Variants in COL25A1 observed in about 807,000 individuals in gnomAD.
The protein encoded by COL25A1 is collagen alpha-1(XXV) chain.
Under a neutral mutation model 128.4 loss-of-function variants are expected in COL25A1, and 103 were observed. The observed-to-expected ratio is 0.80, with a 90% confidence interval of 0.68 to 0.94. COL25A1 has a LOEUF of 0.94. Ranked by LOEUF, COL25A1 falls within the 40% of genes least tolerant of loss-of-function variation. COL25A1 has a pLI of 0.00. For synonymous variants in COL25A1, 279 were observed against 277.2 expected (o/e 1.01, Z -0.06); for missense variants, 745 against 840.0 (o/e 0.89, Z 1.40).
At chr4:109,256,861 G>A (rs1474596334) in intron 3 of COL25A1, among the ~76,000 whole-genome samples, 1 of 152,030 alleles carries the variant, frequency 6.6e-6, no homozygotes, top group Non-Finnish European at 1.5e-5. Flanking sequence ...TTATCTTTGA[G>A]GTAACTGGAA....
At chr4:109,147,716 C>T (rs1199573980) in intron 3 of COL25A1, among the ~76,000 whole-genome samples, 2 of 151,246 alleles carry the variant, frequency 1.3e-5, no homozygotes, top group Non-Finnish European at 2.9e-5. Context: ...ACTCAGGAGG[C>T]TGAGGCACAA....
Position 109,206,459 on chromosome 4 carries a change from G to A in COL25A1, c.367+94124C>T, listed in dbSNP as rs142956167. Among the ~76,000 whole-genome samples, 99 of 152,206 alleles carry A rather than the reference G, an allele frequency of 6.5e-4. No homozygotes were observed. The East Asian group carries it at 0.017, about 27-fold the overall frequency. ...AAGAATAAATCCACCTTAAATCCAA[G>A]AAGGTATAATTCTTTATAATGTTTT... On this transcript the variant is annotated intron_variant, in intron 3 of 37. Coordinates refer to ENST00000399132, the MANE Select transcript of COL25A1 (RefSeq NM_198721.4).
intron 3 of COL25A1, among the ~76,000 whole-genome samples, chr4:109,267,005 C>G (rs1781841351): frequency 6.6e-6 from 1 of 152,062 alleles, no homozygotes; most frequent in South Asian, 2.1e-4. Context: ...GAAAATCAAC[C>G]AAAGAAAACA....
rs1295181774 is a variant in COL25A1, at chr4:109,236,015, C to T, written c.367+64568G>A. 5.3e-5 allele frequency among the ~76,000 whole-genome samples: 8 copies of T among 152,008 alleles called. No homozygotes were observed. The East Asian group carries it at 7.7e-4, about 15-fold the overall frequency. ...CTGAATATACTGTAGGTGCTTAATA[C>T]GTAATACTGATTTCTTATATATTGC... is the stretch of plus-strand genomic sequence containing the variant. On this transcript the variant is annotated intron_variant, in intron 3 of 37. Transcript: ENST00000399132.
chr4:109,275,086 C>T (rs932591650), intron 3 of COL25A1, among the ~76,000 whole-genome samples: 1 of 152,088 alleles, frequency 6.6e-6, no homozygotes, highest in African/African-American at 2.4e-5. Context: ...TGTCACTCTA[C>T]AAAAGGGCAC....
intron 3 of COL25A1, among the ~76,000 whole-genome samples, chr4:109,218,356 G>GGTTTTTTTTTTTTTTGTTTTTTTTT (rs1578470802): frequency 1.0e-5 from 1 of 100,468 alleles, no homozygotes; most frequent in Admixed American, 1.3e-4. Context: ...GGTTTTTTGG[G>GGTTTTTTTTTTTTTTGTTTTTTTTT]GTTTTTTTTT....
chr4:109,083,448 ATTTTTTTTTTTTTTT>A (rs60165291), intron 3 of COL25A1, among the ~76,000 whole-genome samples: 9 of 77,058 alleles, frequency 1.2e-4, no homozygotes, highest in Admixed American at 6.1e-4. Context: ...CACTAAATAA[ATTTTTTTTTTTTTTT>A]TTTTTTTTTT....
chr4:108,832,019 T>G (rs1251779314), intron 32 of COL25A1, among the ~76,000 whole-genome samples: 1 of 151,128 alleles, frequency 6.6e-6, no homozygotes, highest in Non-Finnish European at 1.5e-5. Context: ...TAGCTTTATA[T>G]AAAAGATTAT....
chr4:109,130,002 TAAAAAAAA>T (rs35187548), intron 3 of COL25A1, among the ~76,000 whole-genome samples: 1 of 138,696 alleles, frequency 7.2e-6, no homozygotes, highest in South Asian at 2.3e-4. Context: ...AAAGTATAAT[TAAAAAAAA>T]AAAAAAAAGA....
rs191978593 is a variant in COL25A1, at chr4:109,300,721, T to C, written c.298-69A>G. On this transcript the variant is annotated intron_variant, in intron 2 of 37. Coordinates refer to ENST00000399132, the MANE Select transcript of COL25A1 (RefSeq NM_198721.4). ...AGAGGGATGGAGTCTTTAGGGACTC[T>C]GGCCATACGCCTGATTTACCGGCAT... 17 of 1,048,864 alleles carry C rather than the reference T, an allele frequency of 1.6e-5. No homozygotes were observed. The African/African-American group carries it at 2.7e-4, about 16-fold the overall frequency. The allele number at this position is 1,048,864 out of a possible 1,614,324, so 65.0% of individuals were successfully genotyped here.
At position 109,241,400 on chromosome 4, in the gene COL25A1, C is replaced by T. The variant is rs933864756; in HGVS notation, c.367+59183G>A. 2.0e-5 allele frequency among the ~76,000 whole-genome samples: 3 copies of T among 152,020 alleles called. No homozygotes were observed. The East Asian group carries it at 5.8e-4, about 29-fold the overall frequency. On this transcript the variant is annotated intron_variant, in intron 3 of 37. Coordinates refer to ENST00000399132, the MANE Select transcript of COL25A1 (RefSeq NM_198721.4). ...TTTTCTAGAGTGCCTTCTCTCTTCA[C>T]TTTCACCTTCTTTGTGCAATCTTTA...
chr4:108,882,881 C>G (rs979734564), intron 19 of COL25A1, among the ~76,000 whole-genome samples: 8 of 152,010 alleles, frequency 5.3e-5, no homozygotes, highest in African/African-American at 1.9e-4. Context: ...TCAATTGTAC[C>G]AAATATACTC....
In COL25A1 at chr4:108,937,878, G is replaced by T; in HGVS notation, c.673-35C>A. ...GAATAGTGATAATTTTAGTAACGCT[G>T]TAAGTATTTAAAAAAAAACCCTTCA... On this transcript the variant is annotated intron_variant, in intron 10 of 37. Transcript: ENST00000399132. 2.6e-6 allele frequency: 4 copies of T among 1,549,060 alleles called. 1 individual carries two copies. Among genetic ancestry groups the T allele is most frequent in the South Asian group, 2.4e-5 (2 of 83,766 alleles).
At chr4:109,040,928 T>C (rs1759823265) in intron 5 of COL25A1, among the ~76,000 whole-genome samples, 1 of 152,142 alleles carries the variant, frequency 6.6e-6, no homozygotes. Context: ...AAGGATTCAG[T>C]CCTAAACTCT....
At chr4:109,056,696 A>G (rs1761481002) in intron 3 of COL25A1, among the ~76,000 whole-genome samples, 1 of 152,182 alleles carries the variant, frequency 6.6e-6, no homozygotes, top group South Asian at 2.1e-4. Context: ...CAGTATATAC[A>G]TTAGACCACC....
At chr4:109,144,426 G>C (rs1169693705) in intron 3 of COL25A1, among the ~76,000 whole-genome samples, 1 of 152,216 alleles carries the variant, frequency 6.6e-6, no homozygotes, top group Non-Finnish European at 1.5e-5. Flanking sequence ...CAAGCACTGT[G>C]CTGGGAGATC....
intron 13 of COL25A1, among the ~76,000 whole-genome samples, chr4:108,902,830 A>G (rs1743001054): frequency 6.6e-6 from 1 of 151,928 alleles, no homozygotes; most frequent in Non-Finnish European, 1.5e-5. Context: ...TTGATATGCC[A>G]TTTGTACATA....
intron 20 of COL25A1, among the ~76,000 whole-genome samples, chr4:108,867,353 C>T (rs993872111): frequency 2.0e-5 from 3 of 152,220 alleles, no homozygotes; most frequent in African/African-American, 7.2e-5. Context: ...TGAATAAATG[C>T]AACCGTTCTT....
intron 3 of COL25A1, among the ~76,000 whole-genome samples, chr4:109,239,703 A>G (rs1244038262): frequency 6.6e-6 from 1 of 151,786 alleles, no homozygotes; most frequent in Non-Finnish European, 1.5e-5. Flanking sequence ...TAAACACAGT[A>G]TACTTAGACT....
Sources: gnomAD v4.1 joint callset for allele counts (sites outside exome capture counted in the v4.1 genomes callset) on GRCh38, gnomAD v4.1.1 for gene constraint, MANE v1.5 for transcripts, NCBI Gene and HGNC (gene_info 2026-07-23, HGNC 2026-07-21) for gene names.